Variants in SGPP2 observed in about 807,000 individuals in gnomAD.
SGPP2 encodes the protein sphingosine 1-phosphate phosphohydrolase 2.
Under a neutral mutation model 33.9 loss-of-function variants are expected in SGPP2, and 30 were observed. The observed-to-expected ratio is 0.89, with a 90% confidence interval of 0.66 to 1.20. SGPP2 has a LOEUF of 1.20. SGPP2 is among the 50% of genes most tolerant of loss of function. The probability of loss-of-function intolerance (pLI) is 0.00; values close to 1 mark genes in which losing one functional copy is unlikely to be tolerated. For synonymous variants in SGPP2, 233 were observed against 225.0 expected, an observed-to-expected ratio of 1.04 and a Z score of -0.32; for missense variants, 458 against 532.1, an observed-to-expected ratio of 0.86 and a Z score of 1.37.
chr2:222,469,215 G>T (rs796614291), intron 1 of SGPP2, among the ~76,000 whole-genome samples: 1 of 151,998 alleles, frequency 6.6e-6, no homozygotes, highest in Non-Finnish European at 1.5e-5. Flanking sequence ...ACGGAGTCTC[G>T]CTCTGTCACC....
intron 1 of SGPP2, among the ~76,000 whole-genome samples, chr2:222,469,799 C>A (rs1038294033): frequency 1.3e-5 from 2 of 152,118 alleles, no homozygotes; most frequent in Non-Finnish European, 1.5e-5. Flanking sequence ...TCTAAAAAGA[C>A]AAATATGTGT....
chr2:222,462,857 C>A (rs1466213559), intron 1 of SGPP2, among the ~76,000 whole-genome samples: 1 of 151,920 alleles, frequency 6.6e-6, no homozygotes, highest in Admixed American at 6.6e-5. Flanking sequence ...AACAAAAATT[C>A]TCAGAGCACA....
chr2:222,532,222 C>T (rs1335204024), intron 4 of SGPP2, among the ~76,000 whole-genome samples: 1 of 151,342 alleles, frequency 6.6e-6, no homozygotes, highest in Non-Finnish European at 1.5e-5. Flanking sequence ...TGCAGTGAGC[C>T]GAGATCGCGC....
At chr2:222,548,367 G>A (rs1204934274) in intron 4 of SGPP2, among the ~76,000 whole-genome samples, 1 of 152,148 alleles carries the variant, frequency 6.6e-6, no homozygotes, top group East Asian at 1.9e-4. Context: ...CTTTCCAAGT[G>A]GACATTTATT....
rs1698333154 is a variant in SGPP2 at position 222,499,444 on chromosome 2, C to T, written c.379-22323C>T. 2.0e-5 allele frequency among the ~76,000 whole-genome samples: 3 copies of T among 152,334 alleles called. No homozygotes were observed. The South Asian group carries it at 6.2e-4, about 32-fold the overall frequency. On this transcript the variant is annotated intron_variant, in intron 2 of 4. Coordinates refer to ENST00000321276, the MANE Select transcript of SGPP2 (RefSeq NM_152386.4). Reference sequence around the variant, plus strand: ...CAGTGAACTGGCATCAGGCAGAGGACTCCAGGATTCTTCTCCCCTCCTACT... The same window carrying T: ...CAGTGAACTGGCATCAGGCAGAGGATTCCAGGATTCTTCTCCCCTCCTACT...
chr2:222,536,595 G>T (rs1045258236), intron 4 of SGPP2, among the ~76,000 whole-genome samples: 8 of 152,090 alleles, frequency 5.3e-5, no homozygotes, highest in Non-Finnish European at 1.0e-4. Flanking sequence ...CATGAGAATC[G>T]CTTGAACCCA....
intron 3 of SGPP2, among the ~76,000 whole-genome samples, chr2:222,522,602 A>G (rs1011368448): frequency 6.6e-6 from 1 of 152,202 alleles, no homozygotes; most frequent in East Asian, 1.9e-4. Flanking sequence ...TTTTTCTCCT[A>G]TTTGAGACCT....
intron 1 of SGPP2, among the ~76,000 whole-genome samples, chr2:222,440,473 G>A (rs1056743690): frequency 1.3e-5 from 2 of 151,802 alleles, no homozygotes; most frequent in Admixed American, 1.3e-4. Context: ...CTCCCGAGTA[G>A]CTGGGACTCC....
chr2:222,495,827 A>G (rs1416337583), intron 2 of SGPP2, among the ~76,000 whole-genome samples: 5 of 152,060 alleles, frequency 3.3e-5, no homozygotes, highest in African/African-American at 1.2e-4. Context: ...ACTTGACCAA[A>G]CTCTAATTAA....
chr2:222,449,875 G>A (rs559453843), intron 1 of SGPP2, among the ~76,000 whole-genome samples: 37 of 152,260 alleles, frequency 2.4e-4, no homozygotes, highest in African/African-American at 8.7e-4. Context: ...GATCTGTGAG[G>A]TCACCTTGGT....
intron 2 of SGPP2, among the ~76,000 whole-genome samples, chr2:222,488,530 T>C (rs1698146844): frequency 6.6e-6 from 1 of 152,200 alleles, no homozygotes; most frequent in African/African-American, 2.4e-5. Context: ...AAAAATTGTC[T>C]TCCATAAAAC....
intron 1 of SGPP2, among the ~76,000 whole-genome samples, chr2:222,441,391 T>A (rs1345972603): frequency 6.6e-6 from 1 of 152,244 alleles, no homozygotes; most frequent in Admixed American, 6.5e-5. Flanking sequence ...AATCACAATA[T>A]CCAAAGGATA....
At chr2:222,524,461 G>A (rs892518586) in intron 3 of SGPP2, among the ~76,000 whole-genome samples, 9 of 152,222 alleles carry the variant, frequency 5.9e-5, no homozygotes, top group Non-Finnish European at 1.3e-4. Flanking sequence ...ATATCTGGAC[G>A]CAAATATGCC....
chr2:222,478,502 C>A (rs552725322), intron 2 of SGPP2, among the ~76,000 whole-genome samples: 5 of 152,068 alleles, frequency 3.3e-5, no homozygotes, highest in African/African-American at 4.8e-5. Flanking sequence ...GCTGAGGCAG[C>A]CTTTCTTCAG....
chr2:222,427,613 G>A (rs893255591), intron 1 of SGPP2, among the ~76,000 whole-genome samples: 2 of 152,108 alleles, frequency 1.3e-5, no homozygotes, highest in Non-Finnish European at 2.9e-5. Flanking sequence ...ATGAGTGAAT[G>A]TTGAAAATCA....
intron 1 of SGPP2, among the ~76,000 whole-genome samples, chr2:222,457,017 G>A (rs1697583454): frequency 6.6e-6 from 1 of 151,912 alleles, no homozygotes; most frequent in African/African-American, 2.4e-5. Context: ...TTCCATTTAA[G>A]CTGTTTCTAT....
intron 2 of SGPP2, among the ~76,000 whole-genome samples, chr2:222,484,572 C>T (rs1698076010): frequency 1.3e-5 from 2 of 152,168 alleles, no homozygotes; most frequent in Admixed American, 6.5e-5. Flanking sequence ...TCCTTCTTCC[C>T]TCCTTTTGGA....
intron 2 of SGPP2, among the ~76,000 whole-genome samples, chr2:222,475,331 T>C (rs10176685): frequency 0.095 from 14,448 of 152,168 alleles, 845 homozygotes; most frequent in African/African-American, 0.16. Flanking sequence ...AAAAACCAAA[T>C]CTGTGATTTT....
intron 1 of SGPP2, among the ~76,000 whole-genome samples, chr2:222,431,401 G>A (rs1697153598): frequency 6.6e-6 from 1 of 152,066 alleles, no homozygotes; most frequent in South Asian, 2.1e-4. Context: ...AGCTACTTGG[G>A]AAGCTGAGGC....
Sources: allele counts gnomAD v4.1 joint callset (sites outside exome capture counted in the v4.1 genomes callset), GRCh38; gene constraint gnomAD v4.1.1; transcripts MANE v1.5; gene names NCBI Gene and HGNC (gene_info 2026-07-23, HGNC 2026-07-21).